The following TSHZ2 variants were observed in gnomAD, a reference collection of about 807,000 sequenced individuals.
The protein encoded by TSHZ2 is teashirt homolog 2.
In TSHZ2, 21 loss-of-function variants were observed where a neutral mutation model predicts 74.4. The ratio of observed to expected loss-of-function variants is 0.28; its 90% confidence interval spans 0.20 to 0.41. The LOEUF (loss-of-function observed/expected upper bound fraction) is 0.41. Among genes scored for constraint, TSHZ2 ranks in the 10% least tolerant of loss-of-function variants. TSHZ2 has a pLI of 1.00. For missense variants in TSHZ2, 1,244 were observed against 1,293.5 expected (o/e 0.96, Z 0.59); for synonymous variants, 540 against 515.3 (o/e 1.05, Z -0.65).
At chr20:53,480,474 G>A (rs1986119973) in intron 2 of TSHZ2, among the ~76,000 whole-genome samples, 1 of 151,872 alleles carries the variant, frequency 6.6e-6, no homozygotes, top group Non-Finnish European at 1.5e-5. Flanking sequence ...AGCTGAATCA[G>A]GAGGTTCACT....
In TSHZ2 at chr20:52,973,115, G is replaced by T. The variant is rs1455348637; in HGVS notation, c.-179G>T. ...CCGTGTCTGCCACCCAGAGAGGGGG[G>T]TCTCTGGCCCGTGGTGGAGGAGTTG... On this transcript the variant is annotated 5_prime_UTR_variant, in exon 1 of 3. Coordinates refer to ENST00000371497, the MANE Select transcript of TSHZ2 (RefSeq NM_173485.6). 2.9e-6 allele frequency: 2 copies of T among 697,342 alleles called. No homozygotes were observed. Among genetic ancestry groups the T allele is most frequent in the Non-Finnish European group, 2.3e-6 (1 of 430,046 alleles). 43.2% of individuals were successfully genotyped at this position (697,342 alleles called of 1,614,324 possible).
intron 1 of TSHZ2, among the ~76,000 whole-genome samples, chr20:53,251,397 T>C (rs185142839): frequency 6.6e-6 from 1 of 152,358 alleles, no homozygotes. Context: ...TTGAATGGTA[T>C]ATCTATTTTT....
intron 2 of TSHZ2, among the ~76,000 whole-genome samples, chr20:53,281,408 C>T (rs900585037): frequency 1.3e-5 from 2 of 152,154 alleles, no homozygotes; most frequent in Admixed American, 6.5e-5. Flanking sequence ...TGTCAAAAGG[C>T]CAGATAGTAA....
At chr20:53,136,823 G>A (rs1439112084) in intron 1 of TSHZ2, among the ~76,000 whole-genome samples, 1 of 152,060 alleles carries the variant, frequency 6.6e-6, no homozygotes, top group Non-Finnish European at 1.5e-5. Context: ...AGGAAGAAGG[G>A]GAAAAGAGAT....
intron 2 of TSHZ2, among the ~76,000 whole-genome samples, chr20:53,362,769 A>G (rs1039013177): frequency 1.3e-5 from 2 of 152,198 alleles, no homozygotes; most frequent in African/African-American, 4.8e-5. Context: ...TGGAATGTAC[A>G]TTAATTTATT....
At chr20:53,260,918 A>C (rs1043265754) in intron 2 of TSHZ2, among the ~76,000 whole-genome samples, 19 of 152,318 alleles carry the variant, frequency 1.2e-4, no homozygotes, top group Middle Eastern at 3.4e-3. Context: ...CTGCTGTTTG[A>C]TTCAGATAAC....
chr20:53,117,316 C>A (rs1986697247), intron 1 of TSHZ2, among the ~76,000 whole-genome samples: 3 of 152,180 alleles, frequency 2.0e-5, no homozygotes, highest in African/African-American at 4.8e-5. Context: ...TTACCAAGAA[C>A]AATTTGGAGT....
chr20:53,138,400 A>AT (rs1431623892), intron 1 of TSHZ2, among the ~76,000 whole-genome samples: 1 of 151,918 alleles, frequency 6.6e-6, no homozygotes, highest in Non-Finnish European at 1.5e-5. Flanking sequence ...AGAAAAAAAA[A>AT]AAAAAACAAT....
At chr20:53,071,544 T>C (rs1330890973) in intron 1 of TSHZ2, among the ~76,000 whole-genome samples, 1 of 152,208 alleles carries the variant, frequency 6.6e-6, no homozygotes, top group Non-Finnish European at 1.5e-5. Context: ...CTGATGAAGA[T>C]AAAGGATTGC....
At position 53,138,411 on chromosome 20, in the gene TSHZ2, A is replaced by G. The variant is rs187740387; in HGVS notation, c.41-115088A>G. On this transcript the variant is annotated intron_variant, in intron 1 of 2. Transcript: ENST00000371497. ...AAAAAGAAAAAAAAAAAAAAACAAT[A>G]CTTCACATATAGGTTCCTCCAAAAT... 3.2e-4 allele frequency among the ~76,000 whole-genome samples: 49 copies of G among 151,552 alleles called. No individual in the cohort carries two copies. In the East Asian group the frequency reaches 8.9e-3, roughly 28 times the overall value.
intron 2 of TSHZ2, among the ~76,000 whole-genome samples, chr20:53,345,476 T>C (rs1454350393): frequency 6.6e-6 from 1 of 151,988 alleles, no homozygotes; most frequent in African/African-American, 2.4e-5. Flanking sequence ...TAAGAAATCA[T>C]AGAGGAAGGA....
chr20:53,164,518 T>C (rs1216339522), intron 1 of TSHZ2, among the ~76,000 whole-genome samples: 11 of 152,172 alleles, frequency 7.2e-5, no homozygotes, highest in East Asian at 5.8e-4. Context: ...AATAGAACTT[T>C]CTGTGATGAT....
intron 2 of TSHZ2, among the ~76,000 whole-genome samples, chr20:53,291,027 A>G (rs1245738916): frequency 6.6e-6 from 1 of 152,202 alleles, no homozygotes. Context: ...TTGCCGACCC[A>G]TGGCCTATGC....
chr20:53,365,346 G>A (rs995456122), intron 2 of TSHZ2, among the ~76,000 whole-genome samples: 12 of 152,172 alleles, frequency 7.9e-5, no homozygotes, highest in African/African-American at 2.9e-4. Context: ...CCCAGCTTGG[G>A]GGGGTCGGGG....
intron 1 of TSHZ2, among the ~76,000 whole-genome samples, chr20:53,218,068 T>C (rs1362340220): frequency 1.3e-5 from 2 of 152,206 alleles, no homozygotes; most frequent in Admixed American, 1.3e-4. Flanking sequence ...CGAGGCTCCT[T>C]TGAAGGAGCC....
intron 1 of TSHZ2, among the ~76,000 whole-genome samples, chr20:52,985,078 T>C (rs1981705189): frequency 6.6e-6 from 1 of 152,250 alleles, no homozygotes; most frequent in African/African-American, 2.4e-5. Context: ...GAGGCCACAC[T>C]TTTCCACGCA....
intron 1 of TSHZ2, among the ~76,000 whole-genome samples, chr20:52,973,763 G>A (rs118138084): frequency 0.023 from 3,535 of 152,282 alleles, 69 homozygotes; most frequent in Non-Finnish European, 0.034. Flanking sequence ...TTGGGGCGCT[G>A]AAGTGTGAGG....
intron 2 of TSHZ2, among the ~76,000 whole-genome samples, chr20:53,372,199 G>A (rs952865569): frequency 4.6e-5 from 7 of 152,158 alleles, no homozygotes; most frequent in Non-Finnish European, 1.0e-4. Flanking sequence ...AGTTCAGGCC[G>A]AGTGCAGTGG....
chr20:53,005,372 T>C (rs1385971081), intron 1 of TSHZ2, among the ~76,000 whole-genome samples: 1 of 152,096 alleles, frequency 6.6e-6, no homozygotes, highest in African/African-American at 2.4e-5. Context: ...TATTTAGAAA[T>C]ATAAAATGTT....
Sources: gnomAD v4.1 joint callset for allele counts (sites outside exome capture counted in the v4.1 genomes callset) on GRCh38, gnomAD v4.1.1 for gene constraint, MANE v1.5 for transcripts, NCBI Gene and HGNC (gene_info 2026-07-23, HGNC 2026-07-21) for gene names.